The following KDM4C variants were observed in gnomAD, a reference collection of about 807,000 sequenced individuals.
The protein encoded by KDM4C is lysine demethylase 4C.
In KDM4C, 81 loss-of-function variants were observed where a neutral mutation model predicts 129.3. That is an observed-to-expected ratio of 0.63 (90% CI 0.52 to 0.75). The LOEUF (loss-of-function observed/expected upper bound fraction) is 0.75, where lower values mean the gene tolerates loss of function less well. KDM4C is among the 30% of genes least tolerant of loss of function. KDM4C has a pLI of 0.00. For missense variants in KDM4C, 1,457 were observed against 1,304.0 expected (o/e 1.12, Z -1.81); for synonymous variants, 573 against 456.1 (o/e 1.26, Z -3.26).
chr9:6,754,255 G>A (rs903517048), upstream of KDM4C, among the ~76,000 whole-genome samples: 5 of 149,278 alleles, frequency 3.3e-5, no homozygotes, highest in Admixed American at 6.7e-5. Flanking sequence ...TCTTGTCATC[G>A]AGGCTAGAGT....
intron 4 of KDM4C, among the ~76,000 whole-genome samples, chr9:6,832,329 G>T (rs1834978870): frequency 1.4e-5 from 2 of 146,562 alleles, no homozygotes; most frequent in Admixed American, 1.4e-4. Flanking sequence ...GACAGAGTGA[G>T]ACTCCGTCTC....
At chr9:6,849,485 C>G (rs1838432808) in intron 4 of KDM4C, 22 bp from the exon 5 acceptor site, 1 of 1,508,342 alleles carries the variant, frequency 6.6e-7, no homozygotes, top group Non-Finnish European at 8.9e-7. Flanking sequence ...ATTTCTCTCT[C>G]TTTTTTTCTC....
At chr9:6,917,371 A>G (rs1820512114) in intron 8 of KDM4C, among the ~76,000 whole-genome samples, 1 of 152,134 alleles carries the variant, frequency 6.6e-6, no homozygotes, top group South Asian at 2.1e-4. Flanking sequence ...CCTACTTTTC[A>G]TGGTTGCTCA....
intron 5 of KDM4C, among the ~76,000 whole-genome samples, chr9:6,876,904 G>A (rs766501778): frequency 4.6e-5 from 7 of 152,242 alleles, no homozygotes; most frequent in Admixed American, 1.3e-4. Flanking sequence ...AAAAAGCTTC[G>A]CATACACAAA....
intron 15 of KDM4C, among the ~76,000 whole-genome samples, chr9:7,025,011 T>C (rs1481822503): frequency 6.6e-6 from 1 of 152,248 alleles, no homozygotes; most frequent in East Asian, 1.9e-4. Context: ...TCGTGACTTT[T>C]AATGTTTTCT....
rs1377519280 is a variant in KDM4C at position 6,771,109 on chromosome 9, T to A, written c.-18+12906T>A. 2.5e-3 allele frequency among the ~76,000 whole-genome samples: 306 copies of A among 122,608 alleles called. 2 individuals are homozygous for A. The highest frequency in any genetic ancestry group is 8.8e-3 in the African/African-American group (287 of 32,708). The allele number at this position is 122,608 out of a possible 152,430, so 80.4% of individuals were successfully genotyped here. Reference sequence around the variant, plus strand: ...TTTTTTTTTTTTTTTTTTTTTTTTTTAAGAGATGAGGTCTCTCCAAGTTGC... The same window carrying A: ...TTTTTTTTTTTTTTTTTTTTTTTTTAAAGAGATGAGGTCTCTCCAAGTTGC... On this transcript the variant is annotated intron_variant, in intron 1 of 21. Transcript: ENST00000381309.
chr9:7,137,305 A>G (rs1452515477), intron 19 of KDM4C, among the ~76,000 whole-genome samples: 2 of 152,222 alleles, frequency 1.3e-5, no homozygotes, highest in African/African-American at 4.8e-5. Flanking sequence ...TCATATCTAA[A>G]TGTTAGGGTA....
At position 6,907,894 on chromosome 9, in the gene KDM4C, G is replaced by T. The variant is rs552979888; in HGVS notation, c.921+14662G>T. ...CTATTAGACTGTAAATTGTATCATG[G>T]ACTATGGTACTTAAATATTAACATA... On this transcript the variant is annotated intron_variant, in intron 8 of 21. Transcript: ENST00000381309. Among the ~76,000 whole-genome samples the T allele has an allele frequency of 1.4e-4, 22 of 152,254 alleles. No individual in the cohort carries two copies. In the East Asian group the frequency reaches 4.2e-3, roughly 29 times the overall value.
chr9:7,173,848 G>A (rs1052411805), intron 21 of KDM4C, among the ~76,000 whole-genome samples: 5 of 152,208 alleles, frequency 3.3e-5, no homozygotes, highest in African/African-American at 4.8e-5. Context: ...GCACTTACAG[G>A]CCTGAGCTGG....
chr9:6,789,181 AGCTGGGACTATAG>A (rs1221963078), intron 1 of KDM4C, among the ~76,000 whole-genome samples: 1 of 148,434 alleles, frequency 6.7e-6, no homozygotes, highest in African/African-American at 2.5e-5. Flanking sequence ...GCCTCCGAGT[AGCTGGGACTATAG>A]GCGCTCACCA....
chr9:6,938,607 C>G (rs1030875059), intron 8 of KDM4C, among the ~76,000 whole-genome samples: 7 of 152,180 alleles, frequency 4.6e-5, no homozygotes, highest in African/African-American at 1.4e-4. Flanking sequence ...TTTTCATTCT[C>G]CCTGATTTTT....
intron 4 of KDM4C, chr9:6,835,018 A>G (rs1390175915): frequency 5.3e-6 from 5 of 947,046 alleles, no homozygotes; most frequent in South Asian, 5.1e-5. Context: ...TGACTACCTC[A>G]TGAAGATCCT....
At chr9:6,788,024 G>A (rs993834168) in intron 1 of KDM4C, among the ~76,000 whole-genome samples, 1 of 152,180 alleles carries the variant, frequency 6.6e-6, no homozygotes, top group Non-Finnish European at 1.5e-5. Context: ...TCCTTGAAGA[G>A]TCCGATAGTC....
At chr9:7,077,324 C>T (rs893230548) in intron 17 of KDM4C, 2 of 660,470 alleles carry the variant, frequency 3.0e-6, no homozygotes, top group Non-Finnish European at 1.9e-6. Flanking sequence ...ATATAGTTGT[C>T]ATCCTATGCC....
chr9:7,130,196 G>T (rs1263411465), intron 19 of KDM4C, among the ~76,000 whole-genome samples: 2 of 152,226 alleles, frequency 1.3e-5, no homozygotes, highest in Admixed American at 6.5e-5. Context: ...GAGGAACACT[G>T]TGGTGGTGGG....
At chr9:6,898,488 T>C (rs1032812128) in intron 8 of KDM4C, among the ~76,000 whole-genome samples, 1 of 152,218 alleles carries the variant, frequency 6.6e-6, no homozygotes, top group Non-Finnish European at 1.5e-5. Context: ...TTTTAAGTGA[T>C]CATATTAACA....
At chr9:7,017,694 G>A (rs980886323) in intron 15 of KDM4C, among the ~76,000 whole-genome samples, 3 of 152,164 alleles carry the variant, frequency 2.0e-5, no homozygotes, top group African/African-American at 7.2e-5. Context: ...CAGAGCAGGT[G>A]CTCAGCTCGA....
chr9:7,067,957 G>A (rs1346780337), intron 17 of KDM4C, among the ~76,000 whole-genome samples: 1 of 152,036 alleles, frequency 6.6e-6, no homozygotes, highest in Non-Finnish European at 1.5e-5. Context: ...CACCACGCAT[G>A]GCTAATTTTT....
chr9:6,925,278 A>G lies in KDM4C; in HGVS notation c.921+32046A>G, dbSNP rs1822269415. The G allele has an allele frequency of 3.0e-6, 3 of 985,094 alleles. 1 individual carries two copies. The highest frequency in any genetic ancestry group is 1.1e-4 in the East Asian group (1 of 8,824). The allele number at this position is 985,094 out of a possible 1,614,324, so 61.0% of individuals were successfully genotyped here. A position where few individuals can be genotyped will look rare whatever the true frequency, so the allele number is the denominator to read the frequency against. ...AACAGCATTGTAGGAGGTAGTTACT[A>G]TGGGAAAATATAATAATGGAGGTCA... On this transcript the variant is annotated intron_variant, in intron 8 of 21. Coordinates refer to ENST00000381309, the MANE Select transcript of KDM4C (RefSeq NM_015061.6).
Sources: allele counts gnomAD v4.1 joint callset (sites outside exome capture counted in the v4.1 genomes callset), GRCh38; gene constraint gnomAD v4.1.1; transcripts MANE v1.5; gene names NCBI Gene and HGNC (gene_info 2026-07-23, HGNC 2026-07-21).